BICD1: variants seen among roughly 807,000 people sequenced by gnomAD.
BICD1 encodes the protein protein bicaudal D homolog 1.
Under a neutral mutation model 92.5 loss-of-function variants are expected in BICD1, and 35 were observed. That is an observed-to-expected ratio of 0.38 (90% CI 0.29 to 0.50). The LOEUF is 0.50. Among genes scored for constraint, BICD1 ranks in the 20% least tolerant of loss-of-function variants. BICD1 has a pLI of 0.93. For synonymous variants in BICD1, 429 were observed against 465.1 expected (o/e 0.92, Z 1.00); for missense variants, 950 against 1,189.8 (o/e 0.80, Z 2.97).
intron 2 of BICD1, among the ~76,000 whole-genome samples, chr12:32,262,092 A>T (rs1946874893): frequency 1.3e-5 from 2 of 152,350 alleles, no homozygotes; most frequent in African/African-American, 4.8e-5. Context: ...TATGCTTGTT[A>T]TATGCTTTAT....
intron 2 of BICD1, among the ~76,000 whole-genome samples, chr12:32,275,805 C>G (rs188964819): frequency 1.1e-4 from 16 of 152,304 alleles, no homozygotes; most frequent in Admixed American, 9.8e-4. Context: ...TGTTCCTGCA[C>G]GGCTAAGTGC....
intron 4 of BICD1, among the ~76,000 whole-genome samples, chr12:32,314,395 G>A (rs1948448730): frequency 6.6e-6 from 1 of 152,080 alleles, no homozygotes; most frequent in Non-Finnish European, 1.5e-5. Flanking sequence ...CCCACCAGCA[G>A]TGTATGAGTG....
At chr12:32,155,335 A>C (rs967145555) in intron 1 of BICD1, among the ~76,000 whole-genome samples, 1 of 152,218 alleles carries the variant, frequency 6.6e-6, no homozygotes, top group African/African-American at 2.4e-5. Context: ...TAAGGTAGAG[A>C]GACTAAATCT....
At chr12:32,199,606 C>T (rs1190591556) in intron 1 of BICD1, among the ~76,000 whole-genome samples, 2 of 152,182 alleles carry the variant, frequency 1.3e-5, no homozygotes, top group East Asian at 1.9e-4. Flanking sequence ...TATATGTCTA[C>T]GTGTAAGTGT....
At chr12:32,111,809 T>C (rs1172898052) in intron 1 of BICD1, among the ~76,000 whole-genome samples, 2 of 151,872 alleles carry the variant, frequency 1.3e-5, no homozygotes, top group Admixed American at 1.3e-4. Flanking sequence ...GGCTTTCACC[T>C]TGTTAGCCAG....
rs550520004 is a variant in BICD1 at position 32,303,800 on chromosome 12, C to T, written c.580-1897C>T. ...CATAAGAGAAAAACCTCTGGCTGGG[C>T]GTGGTGGCTCACGCCTGTAATCCCA... On this transcript the variant is annotated intron_variant, in intron 3 of 9. Transcript: ENST00000652176. 8.5e-5 allele frequency among the ~76,000 whole-genome samples: 13 copies of T among 152,236 alleles called. No individual in the cohort carries two copies. The South Asian group carries it at 1.5e-3, about 17-fold the overall frequency.
chr12:32,306,465 C>T (rs570814819), intron 4 of BICD1, among the ~76,000 whole-genome samples: 2,449 of 151,920 alleles, frequency 0.016, 50 homozygotes, highest in African/African-American at 0.048. Flanking sequence ...AGGATGGTCT[C>T]GATCTCCTGA....
rs904142555 is a variant in BICD1, at chr12:32,155,650, C to T, written c.213+48106C>T. ...CAGCTGCACCTTTCCTTGGTTTTTA[C>T]ACTTGTTTGTGCCTCAAATTGCCTG... On this transcript the variant is annotated intron_variant, in intron 1 of 9. Transcript: ENST00000652176. Among the ~76,000 whole-genome samples, 3 of 151,974 alleles carry T rather than the reference C, an allele frequency of 2.0e-5. No homozygotes were observed. The East Asian group carries it at 5.8e-4, about 29-fold the overall frequency.
chr12:32,226,443 A>G (rs536694891), intron 2 of BICD1, among the ~76,000 whole-genome samples: 35 of 152,302 alleles, frequency 2.3e-4, no homozygotes, highest in African/African-American at 8.4e-4. Context: ...CTATTTTTAA[A>G]TTTTATATTA....
intron 8 of BICD1, among the ~76,000 whole-genome samples, chr12:32,362,959 A>C (rs185884321): frequency 3.9e-5 from 6 of 152,330 alleles, no homozygotes; most frequent in African/African-American, 1.4e-4. Flanking sequence ...CTGTCGACCC[A>C]GCTATTTTAG....
chr12:32,140,142 T>C (rs565327215), intron 1 of BICD1, among the ~76,000 whole-genome samples: 3 of 152,200 alleles, frequency 2.0e-5, no homozygotes, highest in Admixed American at 6.5e-5. Flanking sequence ...CATGTTATTG[T>C]GGAGTGGATA....
At chr12:32,152,804 CAAA>C (rs1253761654) in intron 1 of BICD1, among the ~76,000 whole-genome samples, 1 of 152,126 alleles carries the variant, frequency 6.6e-6, no homozygotes, top group Non-Finnish European at 1.5e-5. Flanking sequence ...ATAATATAGT[CAAA>C]GAAGTACACA....
At chr12:32,305,624 T>G in intron 3 of BICD1, 73 bp from the exon 4 acceptor site, 4 of 1,377,526 alleles carry the variant, frequency 2.9e-6, no homozygotes, top group Non-Finnish European at 3.9e-6. Flanking sequence ...TTAGGTCCAC[T>G]AGAGTGTTTA....
intron 2 of BICD1, among the ~76,000 whole-genome samples, chr12:32,274,037 G>C (rs191762939): frequency 1.3e-5 from 2 of 152,196 alleles, no homozygotes; most frequent in African/African-American, 2.4e-5. Flanking sequence ...GGCTTTATCC[G>C]GGACCAGCAG....
At position 32,243,264 on chromosome 12, in the gene BICD1, A is replaced by ATTTTTTTTTTTT. The variant is rs71068310; in HGVS notation, c.426+26815_426+26826dup. ...AGGCACGCCCCACCATGCCTGGCTA[A>ATTTTTTTTTTTT]TTTTTTTTTTTTTTTTTTTTTGTAT... is the stretch of plus-strand genomic sequence containing the variant. On this transcript the variant is annotated intron_variant, in intron 2 of 9. Transcript: ENST00000652176. 3.1e-3 allele frequency among the ~76,000 whole-genome samples: 229 copies of ATTTTTTTTTTTT among 74,022 alleles called. 13 individuals are homozygous for ATTTTTTTTTTTT. The highest frequency in any genetic ancestry group is 0.012 in the African/African-American group (201 of 16,266). The allele number at this position is 74,022 out of a possible 152,430, so 48.6% of individuals were successfully genotyped here.
At chr12:32,223,387 G>A (rs1446765548) in intron 2 of BICD1, among the ~76,000 whole-genome samples, 1 of 152,082 alleles carries the variant, frequency 6.6e-6, no homozygotes, top group Non-Finnish European at 1.5e-5. Context: ...GCATGGTGGC[G>A]AATGCCCGTA....
At chr12:32,329,330 C>A (rs907485964) in intron 5 of BICD1, among the ~76,000 whole-genome samples, 1 of 152,100 alleles carries the variant, frequency 6.6e-6, no homozygotes, top group Non-Finnish European at 1.5e-5. Context: ...CTCCTGACCT[C>A]AAGTGATCCG....
At chr12:32,172,110 C>CA (rs1943964447) in intron 1 of BICD1, among the ~76,000 whole-genome samples, 1 of 152,134 alleles carries the variant, frequency 6.6e-6, no homozygotes, top group Non-Finnish European at 1.5e-5. Context: ...CAGGACTGGG[C>CA]ACGAATGCAC....
chr12:32,147,619 T>TA (rs918706540), intron 1 of BICD1, among the ~76,000 whole-genome samples: 3 of 152,226 alleles, frequency 2.0e-5, no homozygotes, highest in African/African-American at 7.2e-5. Flanking sequence ...TTGATAATTT[T>TA]AAAAAATCTT....
Sources: allele counts gnomAD v4.1 joint callset (sites outside exome capture counted in the v4.1 genomes callset), GRCh38; gene constraint gnomAD v4.1.1; transcripts MANE v1.5; gene names NCBI Gene and HGNC (gene_info 2026-07-23, HGNC 2026-07-21).